Variants in ZEB1 observed in about 807,000 individuals in gnomAD.
ZEB1 encodes zinc finger E-box-binding homeobox 1.
Under a neutral mutation model 84.9 loss-of-function variants are expected in ZEB1, and 21 were observed. The observed-to-expected ratio is 0.25, with a 90% CI of 0.18 to 0.36. ZEB1 has a LOEUF of 0.36. ZEB1 is among the 10% of genes least tolerant of loss of function. The pLI is 1.00. For missense variants in ZEB1, 1,104 were observed against 1,330.2 expected, an observed-to-expected ratio of 0.83 and a Z score of 2.65; for synonymous variants, 420 against 471.1, an observed-to-expected ratio of 0.89 and a Z score of 1.41.
At chr10:31,442,399 G>T (rs556279746) in intron 1 of ZEB1, among the ~76,000 whole-genome samples, 1 of 151,948 alleles carries the variant, frequency 6.6e-6, no homozygotes, top group Non-Finnish European at 1.5e-5. Flanking sequence ...CACACACCGG[G>T]GTCTGTCGTG....
intron 1 of ZEB1, among the ~76,000 whole-genome samples, chr10:31,440,712 C>A (rs528435308): frequency 6.6e-6 from 1 of 152,302 alleles, no homozygotes; most frequent in African/African-American, 2.4e-5. Flanking sequence ...AGCAAAGTCT[C>A]AGGATACAAA....
chr10:31,372,556 T>C (rs2045909260), intron 1 of ZEB1, among the ~76,000 whole-genome samples: 1 of 152,062 alleles, frequency 6.6e-6, no homozygotes, highest in South Asian at 2.1e-4. Context: ...GTACAAAAAG[T>C]ATCATGATCA....
intron 2 of ZEB1, among the ~76,000 whole-genome samples, chr10:31,469,233 T>A (rs2062838388): frequency 6.6e-6 from 1 of 152,224 alleles, no homozygotes; most frequent in African/African-American, 2.4e-5. Context: ...TAGGAACAGC[T>A]CCGGTCTACA....
intron 1 of ZEB1, among the ~76,000 whole-genome samples, chr10:31,367,111 G>A (rs1177811550): frequency 6.6e-6 from 1 of 152,126 alleles, no homozygotes; most frequent in African/African-American, 2.4e-5. Flanking sequence ...TAGGGTCATT[G>A]GAAAGCAACC....
chr10:31,380,277 A>T (rs1180893063), intron 1 of ZEB1, among the ~76,000 whole-genome samples: 2 of 152,040 alleles, frequency 1.3e-5, no homozygotes. Context: ...TTGCCTTCTA[A>T]CTTGTTCCTG....
At chr10:31,359,479 C>T (rs2042639624) in intron 1 of ZEB1, among the ~76,000 whole-genome samples, 1 of 152,076 alleles carries the variant, frequency 6.6e-6, no homozygotes, top group African/African-American at 2.4e-5. Context: ...ACTCTTTTAA[C>T]TTTGAAAGGG....
chr10:31,467,794 G>A (rs965186352), intron 2 of ZEB1, among the ~76,000 whole-genome samples: 1 of 152,112 alleles, frequency 6.6e-6, no homozygotes. Flanking sequence ...ACAGAAGCTG[G>A]GCACCCCTCC....
intron 1 of ZEB1, among the ~76,000 whole-genome samples, chr10:31,429,382 T>C (rs749945033): frequency 6.6e-6 from 1 of 152,182 alleles, no homozygotes; most frequent in Non-Finnish European, 1.5e-5. Context: ...GAATATTGAC[T>C]CCCAATCTCT....
intron 1 of ZEB1, among the ~76,000 whole-genome samples, chr10:31,397,775 A>T (rs1564714500): frequency 6.6e-6 from 1 of 152,192 alleles, no homozygotes; most frequent in African/African-American, 2.4e-5. Context: ...CAGAGATTTT[A>T]TGTGGCCCTC....
At chr10:31,388,219 G>A (rs994500354) in intron 1 of ZEB1, among the ~76,000 whole-genome samples, 7 of 152,130 alleles carry the variant, frequency 4.6e-5, no homozygotes, top group Non-Finnish European at 1.0e-4. Context: ...AAACATTTTA[G>A]ATTGTAATTC....
intron 1 of ZEB1, among the ~76,000 whole-genome samples, chr10:31,426,896 G>T (rs2057000768): frequency 6.6e-6 from 1 of 152,084 alleles, no homozygotes; most frequent in Admixed American, 6.5e-5. Flanking sequence ...TTGTTTTTCT[G>T]TATAACTGAA....
intron 1 of ZEB1, among the ~76,000 whole-genome samples, chr10:31,440,620 C>A (rs2058820847): frequency 6.6e-6 from 1 of 152,006 alleles, no homozygotes; most frequent in Non-Finnish European, 1.5e-5. Flanking sequence ...TCAAATTGTC[C>A]CTGTTTGCAG....
At chr10:31,488,720 T>C (rs946043307) in intron 2 of ZEB1, among the ~76,000 whole-genome samples, 2 of 151,190 alleles carry the variant, frequency 1.3e-5, no homozygotes, top group Non-Finnish European at 3.0e-5. Flanking sequence ...TTTTGATGTT[T>C]TTTATTTCCC....
rs762410701 is a variant in ZEB1 at position 31,502,477 on chromosome 10, G to C, written c.452G>C (p.Gly151Ala). 3.1e-6 allele frequency: 5 copies of C among 1,613,854 alleles called. No homozygotes were observed. The highest frequency in any genetic ancestry group is 4.2e-6 in the Non-Finnish European group (5 of 1,179,804). The change falls in exon 4 of 9, where the codon GGC becomes GCC. Residue 151 changes from glycine to alanine, a missense_variant. Physicochemically the swap from Gly to Ala is moderately conservative, Grantham distance 60. Transcript: ENST00000424869. ...GCACCTGAAGAGGACCAGAGGCAGG[G>C]CACACCAGAAGCCAGTGGTCATGAT... ...PEAPEEDQRQ[G>A]TPEASGHDEN...
chr10:31,481,968 C>G (rs2065097535), intron 2 of ZEB1, among the ~76,000 whole-genome samples: 1 of 151,828 alleles, frequency 6.6e-6, no homozygotes, highest in African/African-American at 2.4e-5. Flanking sequence ...AAAGAACTAT[C>G]AATGGATATT....
intron 2 of ZEB1, among the ~76,000 whole-genome samples, chr10:31,469,692 G>A (rs1228516359): frequency 2.0e-5 from 3 of 152,318 alleles, no homozygotes; most frequent in South Asian, 4.1e-4. Context: ...CCAGAAGCTG[G>A]AACTGGGTGA....
intron 4 of ZEB1, among the ~76,000 whole-genome samples, chr10:31,504,452 C>T (rs919106888): frequency 6.6e-6 from 1 of 151,804 alleles, no homozygotes; most frequent in Non-Finnish European, 1.5e-5. Context: ...TTTGTGGTTC[C>T]GTAAAAGTTT....
chr10:31,463,338 C>G (rs1408372783), intron 2 of ZEB1, among the ~76,000 whole-genome samples: 1 of 152,030 alleles, frequency 6.6e-6, no homozygotes, highest in Non-Finnish European at 1.5e-5. Flanking sequence ...AAAACAAAAA[C>G]AAAAAACTTC....
At position 31,502,557 on chromosome 10, in the gene ZEB1, T is replaced by G. The variant is rs747427414; in HGVS notation, c.484+48T>G. The G allele has an allele frequency of 1.9e-6, 3 of 1,612,202 alleles. No homozygotes were observed. The Admixed American group carries it at 5.0e-5, about 27-fold the overall frequency. Reference sequence around the variant, plus strand: ...GTTTCTTTCCCTCTTTAAAGGATTCTTGTTTCTACCATTCTACTATGGGAA... The same window carrying G: ...GTTTCTTTCCCTCTTTAAAGGATTCGTGTTTCTACCATTCTACTATGGGAA... On this transcript the variant is annotated intron_variant, in intron 4 of 8. Coordinates refer to ENST00000424869, the MANE Select transcript of ZEB1 (RefSeq NM_001174096.2).
Sources: allele counts gnomAD v4.1 joint callset (sites outside exome capture counted in the v4.1 genomes callset), GRCh38; gene constraint gnomAD v4.1.1; transcripts MANE v1.5; gene names NCBI Gene and HGNC (gene_info 2026-07-23, HGNC 2026-07-21).